CADM1: variants seen among roughly 807,000 people sequenced by gnomAD.
CADM1 encodes the protein cell adhesion molecule 1.
In CADM1, 15 loss-of-function variants were observed where a neutral mutation model predicts 53.1. That is an observed-to-expected ratio of 0.28 (90% CI 0.19 to 0.44). The LOEUF is 0.44. Ranked by LOEUF, CADM1 falls within the 20% of genes least tolerant of loss-of-function variation. CADM1 has a pLI of 1.00. For missense variants in CADM1, 434 were observed against 611.3 expected, an observed-to-expected ratio of 0.71 and a Z score of 3.06; for synonymous variants, 281 against 243.0, an observed-to-expected ratio of 1.16 and a Z score of -1.45.
intron 1 of CADM1, among the ~76,000 whole-genome samples, chr11:115,407,238 T>A (rs1253170399): frequency 6.6e-6 from 1 of 152,106 alleles, no homozygotes; most frequent in African/African-American, 2.4e-5. Context: ...AGACTGCGGG[T>A]GCTATTGGTT....
chr11:115,220,462 T>C (rs1941363098), intron 5 of CADM1, among the ~76,000 whole-genome samples: 1 of 152,216 alleles, frequency 6.6e-6, no homozygotes, highest in Non-Finnish European at 1.5e-5. Flanking sequence ...ACCTTCAGTT[T>C]TGATAACTGA....
At chr11:115,327,810 G>A (rs1454730783) in intron 1 of CADM1, among the ~76,000 whole-genome samples, 1 of 152,140 alleles carries the variant, frequency 6.6e-6, no homozygotes, top group East Asian at 1.9e-4. Context: ...ATGAAATTAT[G>A]CATACAGAGT....
intron 5 of CADM1, among the ~76,000 whole-genome samples, chr11:115,219,528 C>G (rs45471700): frequency 6.6e-6 from 1 of 152,190 alleles, no homozygotes; most frequent in African/African-American, 2.4e-5. Flanking sequence ...GAAGCTCCAG[C>G]TGACCCTTGC....
At chr11:115,361,959 C>A (rs1051890103) in intron 1 of CADM1, among the ~76,000 whole-genome samples, 4 of 152,090 alleles carry the variant, frequency 2.6e-5, no homozygotes, top group Non-Finnish European at 1.5e-5. Flanking sequence ...ATGCTGATCT[C>A]AAACTTCTGG....
chr11:115,471,991 G>A (rs866004632), intron 1 of CADM1, among the ~76,000 whole-genome samples: 1 of 152,176 alleles, frequency 6.6e-6, no homozygotes, highest in Admixed American at 6.6e-5. Flanking sequence ...GCACTGCAAG[G>A]GGAAAGAGGA....
chr11:115,376,344 C>T (rs1013052356), intron 1 of CADM1, among the ~76,000 whole-genome samples: 1 of 152,034 alleles, frequency 6.6e-6, no homozygotes, highest in African/African-American at 2.4e-5. Flanking sequence ...AGGATATCCA[C>T]CTGCAATATC....
rs556434168 is a variant in CADM1, at chr11:115,278,854, G to C, written c.125-38434C>G. On this transcript the variant is annotated intron_variant, in intron 1 of 11. Coordinates refer to ENST00000331581, the MANE Select transcript of CADM1 (RefSeq NM_001301043.2). ...ACAAGGAAGGAGTTTATACAATGTG[G>C]TTGATCACAAAATGGTGGTGAGAGA... Among the ~76,000 whole-genome samples the C allele has an allele frequency of 1.1e-4, 16 of 152,304 alleles. 1 individual carries two copies. Among genetic ancestry groups the C allele is most frequent in the African/African-American group, 3.6e-4 (15 of 41,570 alleles).
At chr11:115,468,844 A>G (rs980476030) in intron 1 of CADM1, among the ~76,000 whole-genome samples, 1 of 152,246 alleles carries the variant, frequency 6.6e-6, no homozygotes, top group South Asian at 2.1e-4. Flanking sequence ...ACAGCTCCAC[A>G]TGGCCAGGGA....
chr11:115,291,907 G>C (rs1370282136), intron 1 of CADM1, among the ~76,000 whole-genome samples: 1 of 152,194 alleles, frequency 6.6e-6, no homozygotes, highest in Non-Finnish European at 1.5e-5. Context: ...ATTCAGCTGG[G>C]AAAATAATTC....
chr11:115,282,884 A>G (rs1159826296), intron 1 of CADM1, among the ~76,000 whole-genome samples: 1 of 152,198 alleles, frequency 6.6e-6, no homozygotes, highest in African/African-American at 2.4e-5. Context: ...GGGGTTAAGA[A>G]AAAATCCAGG....
chr11:115,201,579 C>A (rs531172439), intron 8 of CADM1, among the ~76,000 whole-genome samples: 1 of 152,264 alleles, frequency 6.6e-6, no homozygotes, highest in Admixed American at 6.5e-5. Flanking sequence ...TGTTGGGTAA[C>A]ATTCTAAGCG....
chr11:115,449,695 G>C (rs1320853233), intron 1 of CADM1, among the ~76,000 whole-genome samples: 2 of 152,140 alleles, frequency 1.3e-5, no homozygotes, highest in Non-Finnish European at 2.9e-5. Flanking sequence ...TCCCGACAAT[G>C]CCACCGAAAA....
chr11:115,370,429 T>G (rs1946280384), intron 1 of CADM1, among the ~76,000 whole-genome samples: 2 of 151,928 alleles, frequency 1.3e-5, no homozygotes, highest in Non-Finnish European at 2.9e-5. Flanking sequence ...GAAATTGGGG[T>G]TAGACAAGGT....
chr11:115,314,634 G>C (rs1382178203), intron 1 of CADM1, among the ~76,000 whole-genome samples: 1 of 152,100 alleles, frequency 6.6e-6, no homozygotes, highest in Non-Finnish European at 1.5e-5. Context: ...TGGATGTCAT[G>C]GATATGGTAG....
chr11:115,312,671 G>C (rs1038181663), intron 1 of CADM1, among the ~76,000 whole-genome samples: 13 of 152,090 alleles, frequency 8.5e-5, no homozygotes, highest in Non-Finnish European at 1.6e-4. Flanking sequence ...TAAAACTCCA[G>C]GTGATTTGTA....
chr11:115,453,057 G>C (rs1354030590), intron 1 of CADM1, among the ~76,000 whole-genome samples: 1 of 152,090 alleles, frequency 6.6e-6, no homozygotes, highest in Non-Finnish European at 1.5e-5. Context: ...GTCTAGGTGT[G>C]ATAGAAACAT....
intron 1 of CADM1, among the ~76,000 whole-genome samples, chr11:115,332,252 G>A (rs1019072268): frequency 6.6e-6 from 1 of 152,198 alleles, no homozygotes; most frequent in Non-Finnish European, 1.5e-5. Flanking sequence ...GAATGGAAGA[G>A]AAGACAGGTT....
intron 1 of CADM1, among the ~76,000 whole-genome samples, chr11:115,270,714 C>A (rs1447879023): frequency 6.6e-6 from 1 of 152,210 alleles, no homozygotes; most frequent in African/African-American, 2.4e-5. Context: ...TCCCAACTCT[C>A]ACCCCCACTC....
At chr11:115,452,637 C>G (rs891079603) in intron 1 of CADM1, among the ~76,000 whole-genome samples, 3 of 152,080 alleles carry the variant, frequency 2.0e-5, no homozygotes, top group Non-Finnish European at 4.4e-5. Flanking sequence ...TACATTAACA[C>G]TTGGGGGAAA....
Sources: allele counts gnomAD v4.1 joint callset (sites outside exome capture counted in the v4.1 genomes callset), GRCh38; gene constraint gnomAD v4.1.1; transcripts MANE v1.5; gene names NCBI Gene and HGNC (gene_info 2026-07-23, HGNC 2026-07-21).